The following ESRRG variants were observed in gnomAD, a reference collection of about 807,000 sequenced individuals.
ESRRG encodes the protein estrogen-related receptor gamma.
Under a neutral mutation model 44.0 loss-of-function variants are expected in ESRRG, and 13 were observed. The ratio of observed to expected loss-of-function variants is 0.30; its 90% CI spans 0.19 to 0.47. ESRRG has a LOEUF of 0.47. ESRRG is among the 20% of genes least tolerant of loss of function. ESRRG has a pLI of 1.00. For missense variants in ESRRG, 395 were observed against 580.6 expected (o/e 0.68, Z 3.29); for synonymous variants, 215 against 214.6 (o/e 1.00, Z -0.02).
intron 3 of ESRRG, among the ~76,000 whole-genome samples, chr1:216,644,472 A>G (rs535016367): frequency 2.2e-4 from 30 of 136,488 alleles, no homozygotes; most frequent in African/African-American, 7.7e-4. Flanking sequence ...TCTGTCACCC[A>G]GGCTGGAGTG....
intron 2 of ESRRG, among the ~76,000 whole-genome samples, chr1:216,755,662 A>G (rs1173330654): frequency 6.6e-6 from 1 of 151,976 alleles, no homozygotes; most frequent in African/African-American, 2.4e-5. Flanking sequence ...CCAATCTCCA[A>G]ATTCTGTGGA....
In ESRRG at chr1:217,029,177, C is replaced by T. The variant is rs75708139; in HGVS notation, c.-106+60330G>A. Reference sequence around the variant, plus strand: ...AATTTACTACAGAAATGCCCATGGGCGAACATGTACTAGCTAATGAAGTGT... The same window carrying T: ...AATTTACTACAGAAATGCCCATGGGTGAACATGTACTAGCTAATGAAGTGT... On this transcript the variant is annotated intron_variant, in intron 1 of 7. Coordinates refer to the ESRRG transcript ENST00000359162. Among the ~76,000 whole-genome samples, 241 of 152,198 alleles carry T rather than the reference C, an allele frequency of 1.6e-3. 1 individual carries two copies. The highest frequency in any genetic ancestry group is 5.4e-3 in the African/African-American group (226 of 41,536).
At chr1:217,128,793 C>T (rs1026167559) in intron 1 of ESRRG, among the ~76,000 whole-genome samples, 1 of 152,160 alleles carries the variant, frequency 6.6e-6, no homozygotes, top group African/African-American at 2.4e-5. Flanking sequence ...GAAGTGTCTT[C>T]TCTTTACTTG....
intron 3 of ESRRG, among the ~76,000 whole-genome samples, chr1:216,640,826 A>C (rs1163957617): frequency 6.6e-6 from 1 of 152,176 alleles, no homozygotes; most frequent in Non-Finnish European, 1.5e-5. Context: ...CGTTGGTGAC[A>C]AGGAACAAAA....
intron 2 of ESRRG, among the ~76,000 whole-genome samples, chr1:216,808,040 G>A (rs904798227): frequency 1.3e-5 from 2 of 152,124 alleles, no homozygotes; most frequent in African/African-American, 4.8e-5. Context: ...GAACCCTATA[G>A]TTGAGTGAAA....
At chr1:216,880,304 CAAAAAAAA>C (rs11301281) in intron 2 of ESRRG, among the ~76,000 whole-genome samples, 44 of 29,032 alleles carry the variant, frequency 1.5e-3, no homozygotes, top group Admixed American at 2.8e-3. Context: ...GCCTCCCTCT[CAAAAAAAA>C]AAAAAAAAAA....
At chr1:216,945,044 A>T (rs752781000) in intron 1 of ESRRG, among the ~76,000 whole-genome samples, 2 of 152,178 alleles carry the variant, frequency 1.3e-5, no homozygotes, top group Non-Finnish European at 2.9e-5. Context: ...AAAGCTCTTC[A>T]TTAGATCAGT....
chr1:216,618,958 T>A (rs2061798031), intron 3 of ESRRG, among the ~76,000 whole-genome samples: 1 of 152,232 alleles, frequency 6.6e-6, no homozygotes, highest in Non-Finnish European at 1.5e-5. Flanking sequence ...TACTGGCAAA[T>A]ACATCCACTA....
intron 1 of ESRRG, among the ~76,000 whole-genome samples, chr1:216,959,026 T>C (rs900761714): frequency 1.1e-4 from 17 of 152,132 alleles, no homozygotes; most frequent in African/African-American, 3.9e-4. Flanking sequence ...TTTACACTTA[T>C]TTTTAGTTCC....
intron 2 of ESRRG, among the ~76,000 whole-genome samples, chr1:216,775,551 C>CTTTTTTTTTTTTTTTTTTTTTTTTTTTT (rs71163765): frequency 1.3e-5 from 1 of 74,786 alleles, no homozygotes; most frequent in East Asian, 3.7e-4. Flanking sequence ...AATGTCACAT[C>CTTTTTTTTTTTTTTTTTTTTTTTTTTTT]TTTTTTTTTT....
At chr1:216,582,569 T>C (rs1190642588) in intron 3 of ESRRG, among the ~76,000 whole-genome samples, 1 of 152,180 alleles carries the variant, frequency 6.6e-6, no homozygotes, top group Non-Finnish European at 1.5e-5. Flanking sequence ...GCTTCCCAGG[T>C]AGCTGTTATT....
intron 1 of ESRRG, among the ~76,000 whole-genome samples, chr1:216,940,057 A>T (rs2064963981): frequency 6.6e-6 from 1 of 152,176 alleles, no homozygotes; most frequent in Non-Finnish European, 1.5e-5. Flanking sequence ...TTCTTCCAAG[A>T]CCAAGGGACT....
At chr1:216,635,028 C>T (rs964666949) in intron 3 of ESRRG, among the ~76,000 whole-genome samples, 1 of 152,030 alleles carries the variant, frequency 6.6e-6, no homozygotes, top group Admixed American at 6.6e-5. Context: ...TCTCTCTCCA[C>T]CAAGCCTCCT....
At chr1:217,102,058 G>A (rs1301695287) in intron 1 of ESRRG, among the ~76,000 whole-genome samples, 3 of 152,060 alleles carry the variant, frequency 2.0e-5, no homozygotes, top group South Asian at 2.1e-4. Context: ...CCCCCGCTTC[G>A]GCCTCCCAAA....
chr1:217,064,402 A>G (rs1196538259), intron 1 of ESRRG, among the ~76,000 whole-genome samples: 3 of 152,212 alleles, frequency 2.0e-5, no homozygotes, highest in South Asian at 4.1e-4. Flanking sequence ...TTATAACCAC[A>G]GAAACTGAGG....
At chr1:216,940,713 C>G (rs2065077081) in intron 1 of ESRRG, among the ~76,000 whole-genome samples, 1 of 152,170 alleles carries the variant, frequency 6.6e-6, no homozygotes, top group Non-Finnish European at 1.5e-5. Context: ...TCAGAGGGAC[C>G]TCTAAATCTA....
At chr1:216,587,682 A>G (rs930445108) in intron 3 of ESRRG, among the ~76,000 whole-genome samples, 1 of 152,212 alleles carries the variant, frequency 6.6e-6, no homozygotes, top group African/African-American at 2.4e-5. Flanking sequence ...CACATTTTTA[A>G]ATAAAACCAT....
At chr1:216,896,986 G>A (rs2058501541) in intron 2 of ESRRG, among the ~76,000 whole-genome samples, 1 of 152,190 alleles carries the variant, frequency 6.6e-6, no homozygotes, top group African/African-American at 2.4e-5. Flanking sequence ...CTGTTGCAGA[G>A]CCATCTTTTT....
At chr1:216,509,117 C>A (rs1156724189) in intron 6 of ESRRG, among the ~76,000 whole-genome samples, 1 of 152,188 alleles carries the variant, frequency 6.6e-6, no homozygotes, top group South Asian at 2.1e-4. Context: ...CCCTAGAAGA[C>A]ACGTGGCACT....
Sources: gnomAD v4.1 joint callset for allele counts (sites outside exome capture counted in the v4.1 genomes callset) on GRCh38, gnomAD v4.1.1 for gene constraint, MANE v1.5 for transcripts, NCBI Gene and HGNC (gene_info 2026-07-23, HGNC 2026-07-21) for gene names.